KIF14: variants seen among roughly 807,000 people sequenced by gnomAD.
KIF14 encodes the protein kinesin-like protein KIF14.
A neutral mutation model predicts 176.2 loss-of-function variants in KIF14; 98 were observed. The ratio of observed to expected loss-of-function variants is 0.56; its 90% CI spans 0.47 to 0.66. KIF14 has a LOEUF of 0.66. KIF14 is among the 30% of genes least tolerant of loss of function. The pLI, the probability that KIF14 is intolerant of heterozygous loss-of-function variation, is 0.00. For missense variants in KIF14, 1,751 were observed against 1,920.4 expected, an observed-to-expected ratio of 0.91 and a Z score of 1.65; for synonymous variants, 566 against 632.2, an observed-to-expected ratio of 0.90 and a Z score of 1.57.
rs370422067 is a variant in KIF14 at position 200,599,013 on chromosome 1, C to G, written c.2365-592G>C. On this transcript the variant is annotated intron_variant, in intron 13 of 29. Coordinates refer to ENST00000367350, the MANE Select transcript of KIF14 (RefSeq NM_014875.3). Reference sequence around the variant, plus strand: ...TTGACTGACCGTCTTTAGAATAGATCAGTTTGTTTTGTTGCATCTTCATTG... The same window carrying G: ...TTGACTGACCGTCTTTAGAATAGATGAGTTTGTTTTGTTGCATCTTCATTG... 3.9e-5 allele frequency among the ~76,000 whole-genome samples: 6 copies of G among 152,266 alleles called. No homozygotes were observed. The East Asian group carries it at 5.8e-4, about 15-fold the overall frequency.
intron 21 of KIF14, among the ~76,000 whole-genome samples, chr1:200,576,924 G>A (rs1455716669): frequency 6.6e-6 from 1 of 151,416 alleles, no homozygotes; most frequent in Non-Finnish European, 1.5e-5. Flanking sequence ...TGACCTTCCA[G>A]ACTCAGGTAA....
chr1:200,609,003 T>C (rs1445009638), intron 4 of KIF14, 75 bp from the exon 5 acceptor site: 2 of 725,154 alleles, frequency 2.8e-6, no homozygotes, highest in Non-Finnish European at 4.6e-6. Flanking sequence ...GGAACTAGTA[T>C]CCAAAATATA....
chr1:200,563,060 T>A (rs974028765), intron 25 of KIF14, among the ~76,000 whole-genome samples: 1 of 152,154 alleles, frequency 6.6e-6, no homozygotes, highest in Non-Finnish European at 1.5e-5. Context: ...CCTAACCAAG[T>A]CTTGGGGAGA....
At chr1:200,576,414 C>G (rs1268762205) in intron 21 of KIF14, among the ~76,000 whole-genome samples, 10 of 145,630 alleles carry the variant, frequency 6.9e-5, no homozygotes, top group East Asian at 2.0e-4. Context: ...GGAGGCGGAG[C>G]TTGCAGTGAG....
At chr1:200,570,984 G>A (rs1487027460) in intron 22 of KIF14, among the ~76,000 whole-genome samples, 1 of 152,098 alleles carries the variant, frequency 6.6e-6, no homozygotes, top group Non-Finnish European at 1.5e-5. Flanking sequence ...ATGTTTCAAG[G>A]AAAGATTTTA....
intron 15 of KIF14, among the ~76,000 whole-genome samples, chr1:200,592,988 C>T (rs1659131445): frequency 2.6e-5 from 4 of 152,142 alleles, no homozygotes; most frequent in Admixed American, 1.3e-4. Context: ...TGTGGTCCCT[C>T]ATTGCCCAAA....
At position 200,618,812 on chromosome 1, in the gene KIF14, T is replaced by A; in HGVS notation, c.-89A>T. On this transcript the variant is annotated 5_prime_UTR_variant, in exon 2 of 30. Coordinates refer to ENST00000367350, the MANE Select transcript of KIF14 (RefSeq NM_014875.3). ...ATTTGATTTCCAGCCATTTCTTATGTATCCATTTCTGAAAGTATCTGCTAA... is the reference window on the plus strand; with the variant it reads ...ATTTGATTTCCAGCCATTTCTTATGAATCCATTTCTGAAAGTATCTGCTAA... 9.1e-7 allele frequency: 1 copy of A among 1,094,994 alleles called. No homozygotes were observed. Among genetic ancestry groups the A allele is most frequent in the Non-Finnish European group, 1.3e-6 (1 of 770,716 alleles). 67.8% of individuals were successfully genotyped at this position (1,094,994 alleles called of 1,614,324 possible). A position where few individuals can be genotyped will look rare whatever the true frequency, so the allele number is the denominator to read the frequency against.
intron 18 of KIF14, among the ~76,000 whole-genome samples, chr1:200,587,018 G>T (rs977137370): frequency 9.2e-5 from 14 of 151,984 alleles, no homozygotes; most frequent in Non-Finnish European, 1.3e-4. Flanking sequence ...CAACCTTTTG[G>T]CACCAGGGAC....
At chr1:200,595,169 C>T (rs1018169749) in intron 14 of KIF14, among the ~76,000 whole-genome samples, 1 of 152,218 alleles carries the variant, frequency 6.6e-6, no homozygotes, top group Non-Finnish European at 1.5e-5. Flanking sequence ...TGCAACCATT[C>T]TTGAAGGCCC....
chr1:200,601,748 C>T, intron 11 of KIF14, 148 bp downstream of exon 11: 1 of 574,946 alleles, frequency 1.7e-6, no homozygotes. Context: ...CTATCATCCT[C>T]CATCACTATA....
At position 200,565,065 on chromosome 1, in the gene KIF14, T is replaced by C. The variant is rs1330820545; in HGVS notation, c.4071+4A>G. On this transcript the variant is annotated splice_donor_region_variant and intron_variant, in intron 25 of 29. Coordinates refer to ENST00000367350, the MANE Select transcript of KIF14 (RefSeq NM_014875.3). ...TTCAAATGATAATAAGCAAATCAAT[T>C]TACCTGCAAAAATAACTGTAAGTAG... 2.4e-5 allele frequency: 39 copies of C among 1,602,930 alleles called. No homozygotes were observed. The highest frequency in any genetic ancestry group is 3.3e-5 in the Non-Finnish European group (39 of 1,172,930).
chr1:200,585,545 G>A (rs1219378132), intron 19 of KIF14, among the ~76,000 whole-genome samples: 2 of 152,130 alleles, frequency 1.3e-5, no homozygotes, highest in East Asian at 3.8e-4. Context: ...CTTACTATTT[G>A]CTCAGTTGCA....
chr1:200,590,294 A>G lies in KIF14; in HGVS notation c.2814-22T>C, dbSNP rs376340108. On this transcript the variant is annotated intron_variant, in intron 16 of 29. Transcript: ENST00000367350. ...AAGTCTACAATGTAGCAAGATGTTT[A>G]TAGGGTACATGTTAAGAATTCTTTA... 564 of 1,601,398 alleles carry G rather than the reference A, an allele frequency of 3.5e-4. 1 individual carries two copies. Among genetic ancestry groups the G allele is most frequent in the Non-Finnish European group, 4.7e-4 (555 of 1,174,542 alleles).
chr1:200,560,766 G>T lies in KIF14; in HGVS notation c.4186C>A (p.Leu1396Ile). The T allele has an allele frequency of 1.9e-6, 3 of 1,614,172 alleles. No homozygotes were observed. Among genetic ancestry groups the T allele is most frequent in the Non-Finnish European group, 2.5e-6 (3 of 1,180,026 alleles). The part of the protein sequence containing the change: ...GQLAVLKGSK[L>I]HFLENGNNKA... ...TTGTTACCGTTTTCTAGAAAATGTA[G>T]CTTGCTCCCTTTCAGAACTGCTAAC... is the stretch of plus-strand genomic sequence containing the variant. Residue 1396 changes from leucine (L) to isoleucine (I), a missense_variant, in exon 26 of 30, where the codon CTA becomes ATA. Transcript: ENST00000367350.
At chr1:200,579,293 ACT>A (rs1397380922) in intron 21 of KIF14, among the ~76,000 whole-genome samples, 1 of 151,722 alleles carries the variant, frequency 6.6e-6, no homozygotes, top group African/African-American at 2.4e-5. Flanking sequence ...ACACAGCAAG[ACT>A]CTGTCTCTAT....
intron 21 of KIF14, among the ~76,000 whole-genome samples, chr1:200,576,426 C>T (rs1332919833): frequency 6.7e-6 from 1 of 148,156 alleles, no homozygotes; most frequent in Non-Finnish European, 1.5e-5. Context: ...TGCAGTGAGC[C>T]GAGATCGCGC....
chr1:200,585,644 G>A (rs539730275), intron 19 of KIF14, among the ~76,000 whole-genome samples: 1 of 152,214 alleles, frequency 6.6e-6, no homozygotes, highest in Non-Finnish European at 1.5e-5. Context: ...CTGAGATCAG[G>A]GTTCCAGCGT....
At chr1:200,589,443 C>G in intron 17 of KIF14, 74 bp from the exon 18 acceptor site, 1 of 1,267,964 alleles carries the variant, frequency 7.9e-7, no homozygotes, top group South Asian at 1.4e-5. Context: ...CTTTCTTTAA[C>G]CAATGTACAA....
chr1:200,577,127 T>C (rs1365500484), intron 21 of KIF14, among the ~76,000 whole-genome samples: 3 of 139,824 alleles, frequency 2.1e-5, no homozygotes, highest in Admixed American at 1.5e-4. Context: ...ATGGCCAACA[T>C]GGTAAAATCC....
Sources: allele counts gnomAD v4.1 joint callset (sites outside exome capture counted in the v4.1 genomes callset), GRCh38; gene constraint gnomAD v4.1.1; transcripts MANE v1.5; gene names NCBI Gene and HGNC (gene_info 2026-07-23, HGNC 2026-07-21).